SF3A3: variants seen among roughly 807,000 people sequenced by gnomAD.
The protein encoded by SF3A3 is SAP 61.
SF3A3 carries 9 observed loss-of-function variants against 85.8 expected under a neutral mutation model. The ratio of observed to expected loss-of-function variants is 0.10; its 90% CI spans 0.06 to 0.18. The LOEUF is 0.18. SF3A3 is among the 10% of genes least tolerant of loss of function. The probability of loss-of-function intolerance (pLI) is 1.00; values close to 1 mark genes in which losing one functional copy is unlikely to be tolerated. For missense variants in SF3A3, 306 were observed against 593.3 expected (o/e 0.52, Z 5.03); for synonymous variants, 195 against 204.4 (o/e 0.95, Z 0.39).
At chr1:37,987,904 AG>A (rs970350292) in intron 2 of SF3A3, 68 bp from the exon 3 acceptor site, 267 of 1,297,786 alleles carry the variant, frequency 2.1e-4, no homozygotes, top group Non-Finnish European at 2.8e-4. Context: ...GCAAACAACA[AG>A]GGTTCTCCAG....
At chr1:37,982,042 G>T (rs566887446) in intron 6 of SF3A3, among the ~76,000 whole-genome samples, 1 of 151,390 alleles carries the variant, frequency 6.6e-6, no homozygotes, top group Non-Finnish European at 1.5e-5. Context: ...ACAAAATAAA[G>T]ATCAAGTTAA....
intron 9 of SF3A3, 28 bp from the exon 10 acceptor site, chr1:37,979,083 A>T: frequency 3.1e-6 from 5 of 1,590,314 alleles, no homozygotes; most frequent in Non-Finnish European, 4.3e-6. Flanking sequence ...AAATTACAAT[A>T]TTACATTAAC....
chr1:37,976,732 G>A (rs1570464043), intron 12 of SF3A3, 152 bp downstream of exon 12: 1 of 623,442 alleles, frequency 1.6e-6, no homozygotes, highest in South Asian at 1.9e-5. Context: ...TTACTGAAGA[G>A]CCTTGTACCC....
chr1:37,989,387 T>A (rs932301195), intron 2 of SF3A3, among the ~76,000 whole-genome samples, 161 bp downstream of exon 2: 4 of 151,974 alleles, frequency 2.6e-5, no homozygotes, highest in African/African-American at 9.7e-5. Context: ...GGAAGCACCC[T>A]CACGTTCGGC....
chr1:37,982,497 A>G (rs965004372), intron 6 of SF3A3, among the ~76,000 whole-genome samples: 8 of 151,734 alleles, frequency 5.3e-5, no homozygotes, highest in African/African-American at 1.9e-4. Context: ...CAGCCTCCTG[A>G]GTAATTGGGA....
chr1:37,980,845 T>A, intron 7 of SF3A3, 121 bp from the exon 8 acceptor site: 7 of 405,168 alleles, frequency 1.7e-5, no homozygotes, highest in East Asian at 5.9e-5. Context: ...AATACTCTTT[T>A]TTTTTTTTTT....
intron 10 of SF3A3, 38 bp from the exon 11 acceptor site, chr1:37,978,865 T>G (rs758287174): frequency 4.5e-6 from 7 of 1,569,414 alleles, no homozygotes; most frequent in Non-Finnish European, 6.1e-6. Flanking sequence ...TAGGGTTACT[T>G]TACCACACAG....
intron 2 of SF3A3, among the ~76,000 whole-genome samples, chr1:37,989,107 T>C (rs1240371367): frequency 1.3e-5 from 2 of 151,788 alleles, no homozygotes; most frequent in Non-Finnish European, 2.9e-5. Flanking sequence ...CTGACCAACA[T>C]GTTTAGTAGA....
intron 2 of SF3A3, among the ~76,000 whole-genome samples, chr1:37,988,407 T>G (rs578221009): frequency 1.3e-5 from 2 of 152,280 alleles, no homozygotes; most frequent in East Asian, 3.9e-4. Context: ...ACATCCCTAG[T>G]GGAATCTGGA....
At chr1:37,985,949 C>CT (rs10673830) in intron 4 of SF3A3, among the ~76,000 whole-genome samples, 30,747 of 118,802 alleles carry the variant, frequency 0.26, 5,201 homozygotes, top group Non-Finnish European at 0.29. Flanking sequence ...TCCTACCAGA[C>CT]TTTTTTTTTT....
intron 12 of SF3A3, 92 bp downstream of exon 12, chr1:37,976,792 T>G (rs1243873001): frequency 2.4e-6 from 2 of 842,164 alleles, no homozygotes; most frequent in Admixed American, 1.8e-5. Flanking sequence ...ACTCCTCTTT[T>G]GAACCTAATG....
Position 37,984,783 on chromosome 1 carries a change from AG to A in SF3A3, c.304-5del. 6 of 1,612,416 alleles carry A rather than the reference AG, an allele frequency of 3.7e-6. No individual in the cohort carries two copies. Among genetic ancestry groups the A allele is most frequent in the Non-Finnish European group, 5.1e-6 (6 of 1,178,524 alleles). ...CCACTGACATTGGCACACAGATCTG[AG>A]GGGAAAAGTAAAAGCTCAGGTGGAT... On this transcript the variant is annotated splice_region_variant and splice_polypyrimidine_tract_variant and intron_variant, in intron 4 of 16. Transcript: ENST00000373019.
intron 15 of SF3A3, among the ~76,000 whole-genome samples, chr1:37,962,581 C>G (rs1406116969): frequency 1.1e-5 from 1 of 90,096 alleles, no homozygotes; most frequent in Non-Finnish European, 2.1e-5. Flanking sequence ...CCAGTCTGGG[C>G]AACAAGAGCG....
chr1:37,976,200 C>T (rs1646378759), intron 12 of SF3A3, among the ~76,000 whole-genome samples: 1 of 151,622 alleles, frequency 6.6e-6, no homozygotes, highest in Non-Finnish European at 1.5e-5. Flanking sequence ...ATCAGAAAGG[C>T]TGGTCTTCTG....
At chr1:37,970,428 C>T (rs1427847704) in intron 12 of SF3A3, among the ~76,000 whole-genome samples, 10 of 152,170 alleles carry the variant, frequency 6.6e-5, no homozygotes, top group Middle Eastern at 3.4e-3. Flanking sequence ...TAACACCCCA[C>T]TGTCAACATT....
chr1:37,964,262 T>TA (rs974778477), intron 15 of SF3A3, among the ~76,000 whole-genome samples: 19 of 152,168 alleles, frequency 1.2e-4, no homozygotes, highest in Non-Finnish European at 5.9e-5. Context: ...GACTAACCCT[T>TA]AAAAAATTAC....
chr1:37,967,832 C>A (rs949317939), intron 15 of SF3A3, among the ~76,000 whole-genome samples: 7 of 152,016 alleles, frequency 4.6e-5, no homozygotes, highest in African/African-American at 1.7e-4. Flanking sequence ...TACACTCCAG[C>A]CTGGCGACAG....
intron 15 of SF3A3, among the ~76,000 whole-genome samples, chr1:37,964,200 CA>C (rs1261114897): frequency 6.6e-6 from 1 of 151,454 alleles, no homozygotes. Flanking sequence ...AGAACAAAAA[CA>C]AACTCTGTAT....
chr1:37,968,330 T>A (rs1443181059), intron 14 of SF3A3, among the ~76,000 whole-genome samples, 196 bp from the exon 15 acceptor site: 1 of 152,186 alleles, frequency 6.6e-6, no homozygotes. Context: ...CAGCACTGCA[T>A]TGTTTGCCTC....
Sources: gnomAD v4.1 joint callset for allele counts (sites outside exome capture counted in the v4.1 genomes callset) on GRCh38, gnomAD v4.1.1 for gene constraint, MANE v1.5 for transcripts, NCBI Gene and HGNC (gene_info 2026-07-23, HGNC 2026-07-21) for gene names.